The following CCDC163 variants were observed in gnomAD, a reference collection of about 807,000 sequenced individuals.
CCDC163 encodes CCDC163 homolog.
CCDC163 carries 13 observed loss-of-function variants against 8.2 expected under a neutral mutation model. The observed-to-expected ratio is 1.59, with a 90% CI of 1.04 to 2.54. The LOEUF (loss-of-function observed/expected upper bound fraction) is 2.54. Ranked by LOEUF, CCDC163 falls within the 30% of genes most tolerant of loss-of-function variation. CCDC163 has a pLI of 0.00. For missense variants in CCDC163, 117 were observed against 78.6 expected (o/e 1.49, Z -1.85); for synonymous variants, 41 against 30.9 (o/e 1.33, Z -1.08).
rs571962809 is a variant in CCDC163 at position 45,498,032 on chromosome 1, A to T, written c.178-649T>A. ...TGGGAGACTTTTCATTTTGTTCTGTACTAAGAAAAATTCTTCTGCCTTGGG... is the reference window on the plus strand; with the variant it reads ...TGGGAGACTTTTCATTTTGTTCTGTTCTAAGAAAAATTCTTCTGCCTTGGG... On this transcript the variant is annotated intron_variant, in intron 2 of 4. Coordinates refer to ENST00000629482, the MANE Select transcript of CCDC163 (RefSeq NM_001102601.3). Among the ~76,000 whole-genome samples the T allele has an allele frequency of 8.6e-5, 13 of 150,538 alleles. No individual in the cohort carries two copies. In the East Asian group the frequency reaches 2.6e-3, roughly 30 times the overall value.
chr1:45,499,268 G>A, intron 2 of CCDC163, 77 bp downstream of exon 2: 1 of 720,092 alleles, frequency 1.4e-6, no homozygotes, highest in Admixed American at 2.0e-5. Flanking sequence ...AATTTGGAAG[G>A]AATAATGGAT....
intron 4 of CCDC163, 181 bp downstream of exon 4, chr1:45,496,375 G>A (rs1207835253): frequency 1.4e-6 from 1 of 691,884 alleles, no homozygotes; most frequent in Admixed American, 2.0e-5. Context: ...GTTTCTCATG[G>A]CCGGGAGCAG....
chr1:45,499,790 AG>A lies in CCDC163; in HGVS notation c.-182del. 1 of 600,240 alleles carries A rather than the reference AG, an allele frequency of 1.7e-6. No homozygotes were observed. Among genetic ancestry groups the A allele is most frequent in the South Asian group, 2.0e-5 (1 of 50,798 alleles). 37.2% of individuals were successfully genotyped at this position (600,240 alleles called of 1,614,324 possible). On this transcript the variant is annotated 5_prime_UTR_variant, in exon 1 of 5. Coordinates refer to ENST00000629482, the MANE Select transcript of CCDC163 (RefSeq NM_001102601.3). ...AGACCAAAACTGCGATCCTGTGACT[AG>A]GGAAAGGAAGGACGCTCTTGGGGAA...
rs552146790 is a variant in CCDC163 at position 45,499,858 on chromosome 1, G to A, written c.-249C>T. 59 of 548,370 alleles carry A rather than the reference G, an allele frequency of 1.1e-4. No homozygotes were observed. The highest frequency in any genetic ancestry group is 9.8e-4 in the African/African-American group (52 of 53,028). 34.0% of individuals were successfully genotyped at this position (548,370 alleles called of 1,614,324 possible). A position where few individuals can be genotyped will look rare whatever the true frequency, so the allele number is the denominator to read the frequency against. On this transcript the variant is annotated 5_prime_UTR_variant, in exon 1 of 5. Transcript: ENST00000629482. ...ATACCGTGATGATACGCAGATATCA[G>A]GTGGGGATTGAAGGTGCCAGAACCT...
intron 4 of CCDC163, 89 bp downstream of exon 4, chr1:45,496,467 T>A: frequency 1.4e-6 from 1 of 723,464 alleles, no homozygotes. Flanking sequence ...GGAGAGGGTA[T>A]CCTGGCCTCC....
intron 4 of CCDC163, chr1:45,495,655 CTTTTTTTT>C (rs71052890): frequency 3.8e-4 from 180 of 470,600 alleles, no homozygotes; most frequent in Non-Finnish European, 5.9e-4. Flanking sequence ...TCTCCTCCCT[CTTTTTTTT>C]TTTTTTTTTT....
At chr1:45,497,746 G>GCA in intron 2 of CCDC163, among the ~76,000 whole-genome samples, 1 of 24,346 alleles carries the variant, frequency 4.1e-5, no homozygotes, top group Non-Finnish European at 8.4e-5. Context: ...CGCCCCGTCT[G>GCA]GGAGGGAGGT....
chr1:45,497,607 C>A (rs1159018056), intron 2 of CCDC163, among the ~76,000 whole-genome samples: 1 of 132,162 alleles, frequency 7.6e-6, no homozygotes, highest in African/African-American at 2.9e-5. Context: ...CCTGCCTTGG[C>A]CTCCCAAAGT....
intron 3 of CCDC163, among the ~76,000 whole-genome samples, chr1:45,496,861 G>C (rs1372659971): frequency 1.3e-5 from 2 of 152,226 alleles, no homozygotes; most frequent in East Asian, 3.8e-4. Flanking sequence ...CTTAATGGGA[G>C]AGCAAGAAGA....
chr1:45,497,654 C>A (rs1199385206), intron 2 of CCDC163, among the ~76,000 whole-genome samples: 8 of 99,614 alleles, frequency 8.0e-5, no homozygotes, highest in South Asian at 3.7e-4. Flanking sequence ...GCCACCCCGT[C>A]TGGGAAGTGA....
At chr1:45,495,632 G>T (rs962063449) in intron 4 of CCDC163, 2 of 674,906 alleles carry the variant, frequency 3.0e-6, no homozygotes, top group Non-Finnish European at 5.4e-6. Flanking sequence ...CCTTCCTCAG[G>T]CTAGGACTCT....
intron 4 of CCDC163, 188 bp downstream of exon 4, chr1:45,496,368 T>C: frequency 1.5e-6 from 1 of 689,050 alleles, no homozygotes; most frequent in South Asian, 1.5e-5. Flanking sequence ...AAGGATAGTT[T>C]CTCATGGCCG....
At position 45,499,548 on chromosome 1, in the gene CCDC163, T is replaced by C. The variant is rs1449294931; in HGVS notation, c.62A>G (p.Asn21Ser). Reference protein sequence around the residue: ...LDVLLNATDGNVVRNKQWLYP... With the variant: ...LDVLLNATDGSVVRNKQWLYP... ...ACCCCTCACCTTATTCCGGACCACA[T>C]TTCCATCAGTAGCGTTGAGAAGCAC... Residue 21 changes from asparagine to serine, a missense_variant, in exon 1 of 5, where the codon AAT becomes AGT. By Grantham distance (46) the Asn-to-Ser change is conservative (BLOSUM62 1). Coordinates refer to ENST00000629482, the MANE Select transcript of CCDC163 (RefSeq NM_001102601.3). The C allele has an allele frequency of 3.9e-6, 3 of 779,118 alleles. No individual in the cohort carries two copies. In the African/African-American group the frequency reaches 5.1e-5, roughly 13 times the overall value. The allele number at this position is 779,118 out of a possible 1,614,324, so 48.3% of individuals were successfully genotyped here. A position where few individuals can be genotyped will look rare whatever the true frequency, so the allele number is the denominator to read the frequency against.
intron 2 of CCDC163, among the ~76,000 whole-genome samples, chr1:45,497,699 AGGG>A (rs1643366519): frequency 5.3e-5 from 2 of 37,772 alleles, no homozygotes; most frequent in African/African-American, 2.5e-4. Context: ...CCCGTCCGGG[AGGG>A]AGGTGGAGGG....
In CCDC163 at chr1:45,495,053, G is replaced by A; in HGVS notation, c.*6C>T. 1.3e-6 allele frequency: 1 copy of A among 780,838 alleles called. No individual in the cohort carries two copies. The highest frequency in any genetic ancestry group is 2.4e-5 in the East Asian group (1 of 41,252). 48.4% of individuals were successfully genotyped at this position (780,838 alleles called of 1,614,324 possible). A position where few individuals can be genotyped will look rare whatever the true frequency, so the allele number is the denominator to read the frequency against. ...CTACTATTCTTAACGAGTCCTTACA[G>A]GTCATTCAGGAGCATTTTGGGGCCC... is the stretch of plus-strand genomic sequence containing the variant. On this transcript the variant is annotated 3_prime_UTR_variant, in exon 5 of 5. Transcript: ENST00000629482.
intron 4 of CCDC163, 168 bp from the exon 5 acceptor site, chr1:45,495,334 G>A: frequency 1.4e-6 from 1 of 702,930 alleles, no homozygotes; most frequent in Non-Finnish European, 2.6e-6. Flanking sequence ...ATTCTACCTA[G>A]TGTTAAATAA....
chr1:45,498,737 GGT>G (rs1467676875), intron 2 of CCDC163: 1 of 160,780 alleles, frequency 6.2e-6, no homozygotes, highest in African/African-American at 2.4e-5. Context: ...ACACACAACA[GGT>G]GTGTGGCAAA....
At chr1:45,497,795 G>A (rs1643378224) in intron 2 of CCDC163, among the ~76,000 whole-genome samples, 2 of 143,444 alleles carry the variant, frequency 1.4e-5, no homozygotes, top group Non-Finnish European at 1.5e-5. Context: ...CACCCCATCC[G>A]GGAGGTGAGG....
chr1:45,495,202 T>A, intron 4 of CCDC163, 36 bp from the exon 5 acceptor site: 2 of 780,668 alleles, frequency 2.6e-6, no homozygotes, highest in Non-Finnish European at 4.8e-6. Context: ...AAACAAGTCA[T>A]CAGCAAGCAT....
Sources: allele counts gnomAD v4.1 joint callset (sites outside exome capture counted in the v4.1 genomes callset), GRCh38; gene constraint gnomAD v4.1.1; transcripts MANE v1.5; gene names NCBI Gene and HGNC (gene_info 2026-07-23, HGNC 2026-07-21).